ARHGEF10: variants seen among roughly 807,000 people sequenced by gnomAD.
ARHGEF10 encodes the protein Rho guanine nucleotide exchange factor (GEF) 10.
Under a neutral mutation model 147.4 loss-of-function variants are expected in ARHGEF10, and 140 were observed. The ratio of observed to expected loss-of-function variants is 0.95; its 90% CI spans 0.83 to 1.09. The LOEUF (loss-of-function observed/expected upper bound fraction) is 1.09, where lower values mean the gene tolerates loss of function less well. Among genes scored for constraint, ARHGEF10 ranks in the 50% least tolerant of loss-of-function variants. The pLI, the probability that ARHGEF10 is intolerant of heterozygous loss-of-function variation, is 0.00. For missense variants in ARHGEF10, 2,222 were observed against 1,752.7 expected (o/e 1.27, Z -4.78); for synonymous variants, 902 against 695.8 (o/e 1.30, Z -4.67).
chr8:1,925,090 A>G (rs1812583498), intron 21 of ARHGEF10, among the ~76,000 whole-genome samples, 193 bp from the exon 22 acceptor site: 1 of 152,214 alleles, frequency 6.6e-6, no homozygotes, highest in Non-Finnish European at 1.5e-5. Flanking sequence ...GCTGCCTTCT[A>G]AAATAATGCC....
intron 8 of ARHGEF10, among the ~76,000 whole-genome samples, chr8:1,878,985 G>T (rs977941298): frequency 6.6e-6 from 1 of 152,192 alleles, no homozygotes; most frequent in Non-Finnish European, 1.5e-5. Flanking sequence ...GTGCAGACAG[G>T]GCGCCCGTGT....
At chr8:1,839,919 C>CGGTGTGGGGACTGTCT (rs1803876249) in intron 1 of ARHGEF10, among the ~76,000 whole-genome samples, 1 of 71,208 alleles carries the variant, frequency 1.4e-5, no homozygotes, top group Non-Finnish European at 2.7e-5. Flanking sequence ...GGGGACTGTC[C>CGGTGTGGGGACTGTCT]GGTGTGGGGA....
intron 18 of ARHGEF10, among the ~76,000 whole-genome samples, chr8:1,919,537 T>C (rs1812056107): frequency 6.7e-6 from 1 of 148,258 alleles, no homozygotes; most frequent in Non-Finnish European, 1.5e-5. Flanking sequence ...TAAACTGTTC[T>C]GTCGAGTGAT....
chr8:1,940,234 C>G (rs763437346), intron 26 of ARHGEF10, among the ~76,000 whole-genome samples: 3 of 152,184 alleles, frequency 2.0e-5, no homozygotes, highest in Non-Finnish European at 2.9e-5. Context: ...AAAATCCTCT[C>G]TATGGAAGTC....
intron 6 of ARHGEF10, among the ~76,000 whole-genome samples, chr8:1,867,016 CTTT>C (rs78899210): frequency 3.6e-5 from 5 of 137,856 alleles, no homozygotes; most frequent in Non-Finnish European, 6.3e-5. Flanking sequence ...GTGGGCCTCC[CTTT>C]TTTTTTTTTT....
At chr8:1,955,958 C>G (rs1299936790) in intron 28 of ARHGEF10, among the ~76,000 whole-genome samples, 1 of 152,220 alleles carries the variant, frequency 6.6e-6, no homozygotes, top group Non-Finnish European at 1.5e-5. Flanking sequence ...GGGAAATGGA[C>G]TCTCACCACG....
At chr8:1,879,840 A>G (rs751249954) in intron 8 of ARHGEF10, among the ~76,000 whole-genome samples, 3 of 152,112 alleles carry the variant, frequency 2.0e-5, no homozygotes, top group Non-Finnish European at 4.4e-5. Context: ...GGGGTGAGCC[A>G]CTGCGCCCAG....
At chr8:1,929,148 G>A in intron 24 of ARHGEF10, 138 bp from the exon 25 acceptor site, 2 of 935,078 alleles carry the variant, frequency 2.1e-6, no homozygotes, top group Non-Finnish European at 1.6e-6. Flanking sequence ...TTTTTTAAAA[G>A]TACTGGCAAG....
intron 17 of ARHGEF10, among the ~76,000 whole-genome samples, chr8:1,906,277 C>T (rs1290325249): frequency 6.6e-6 from 1 of 152,186 alleles, no homozygotes; most frequent in Non-Finnish European, 1.5e-5. Flanking sequence ...AACTATAACA[C>T]TCCTGGTGCT....
intron 19 of ARHGEF10, 165 bp from the exon 20 acceptor site, chr8:1,923,303 C>T (rs1812438556): frequency 1.8e-6 from 2 of 1,104,530 alleles, no homozygotes; most frequent in Non-Finnish European, 1.3e-6. Context: ...TTAGAAATGT[C>T]TCAGCCCCCC....
intron 26 of ARHGEF10, among the ~76,000 whole-genome samples, chr8:1,936,251 A>C (rs1323931378): frequency 1.3e-5 from 2 of 152,194 alleles, no homozygotes; most frequent in East Asian, 3.8e-4. Flanking sequence ...ACAGCGGCTC[A>C]CACCTGTAAT....
chr8:1,869,508 C>G, intron 7 of ARHGEF10: 1 of 603,008 alleles, frequency 1.7e-6, no homozygotes, highest in Non-Finnish European at 3.0e-6. Flanking sequence ...CAGAAAATGC[C>G]GGCAAAGAGG....
intron 18 of ARHGEF10, among the ~76,000 whole-genome samples, chr8:1,914,257 G>A (rs970283452): frequency 1.3e-5 from 2 of 152,236 alleles, no homozygotes; most frequent in African/African-American, 2.4e-5. Flanking sequence ...TTCCTCATGA[G>A]GCTCCCCTGA....
intron 21 of ARHGEF10, among the ~76,000 whole-genome samples, chr8:1,924,920 G>A (rs1812570536): frequency 6.6e-6 from 1 of 152,124 alleles, no homozygotes; most frequent in South Asian, 2.1e-4. Flanking sequence ...GTACATCTCT[G>A]GTATTTGAAT....
At chr8:1,861,891 A>C (rs998128457) in intron 4 of ARHGEF10, among the ~76,000 whole-genome samples, 1 of 152,208 alleles carries the variant, frequency 6.6e-6, no homozygotes, top group African/African-American at 2.4e-5. Flanking sequence ...TCTTATTTTA[A>C]AATATTATTT....
rs760730431 is a variant in ARHGEF10 at position 1,922,991 on chromosome 8, T to C, written c.2171T>C (p.Leu724Pro). The change falls in exon 19 of 29, where the codon CTG (leucine) becomes CCG (proline). Residue 724 changes from leucine to proline, a missense_variant. Coordinates refer to ENST00000349830, the MANE Select transcript of ARHGEF10 (RefSeq NM_014629.4). Reference sequence around the variant, plus strand: ...AAAGTTTACATGGGGCCAGGACAACTGTATCAAGATTTACAAAACTTGTTG... The same window carrying C: ...AAAGTTTACATGGGGCCAGGACAACCGTATCAAGATTTACAAAACTTGTTG... ...PNKVYMGPGQ[L>P]YQDLQNLLHD... 2 of 1,613,544 alleles carry C rather than the reference T, an allele frequency of 1.2e-6. No homozygotes were observed. Among genetic ancestry groups the C allele is most frequent in the Admixed American group, 3.3e-5 (2 of 60,014 alleles).
At chr8:1,939,692 G>A (rs1813921879) in intron 26 of ARHGEF10, among the ~76,000 whole-genome samples, 1 of 152,248 alleles carries the variant, frequency 6.6e-6, no homozygotes, top group South Asian at 2.1e-4. Flanking sequence ...CCTCAGAGAG[G>A]GAGAGATGCA....
intron 1 of ARHGEF10, among the ~76,000 whole-genome samples, chr8:1,842,605 G>A (rs1413824461): frequency 2.0e-5 from 3 of 152,220 alleles, no homozygotes; most frequent in East Asian, 3.9e-4. Flanking sequence ...CGGTGCTAGA[G>A]CCTGGTCCCT....
At chr8:1,852,501 C>T (rs140256812) in intron 2 of ARHGEF10, among the ~76,000 whole-genome samples, 2,612 of 146,840 alleles carry the variant, frequency 0.018, 20 homozygotes, top group African/African-American at 0.064. Flanking sequence ...GGGAGCAGCA[C>T]CGTTTCTGTC....
Sources: gnomAD v4.1 joint callset for allele counts (sites outside exome capture counted in the v4.1 genomes callset) on GRCh38, gnomAD v4.1.1 for gene constraint, MANE v1.5 for transcripts, NCBI Gene and HGNC (gene_info 2026-07-23, HGNC 2026-07-21) for gene names.